Variants in PARN observed in about 807,000 individuals in gnomAD.
PARN encodes poly(A)-specific ribonuclease, also known as poly(A)-specific ribonuclease PARN.
PARN carries 71 observed loss-of-function variants against 102.8 expected under a neutral mutation model. The observed-to-expected ratio is 0.69, with a 90% CI of 0.57 to 0.84. The LOEUF (loss-of-function observed/expected upper bound fraction) is 0.84. Ranked by LOEUF, PARN falls within the 40% of genes least tolerant of loss-of-function variation. The pLI is 0.00. For missense variants in PARN, 782 were observed against 760.9 expected (o/e 1.03, Z -0.33); for synonymous variants, 261 against 252.9 (o/e 1.03, Z -0.30).
At chr16:14,515,411 A>G (rs781562636) in intron 21 of PARN, among the ~76,000 whole-genome samples, 17 of 152,194 alleles carry the variant, frequency 1.1e-4, no homozygotes, top group Admixed American at 3.3e-4. Flanking sequence ...GTAGATGGAA[A>G]TATTTTATTG....
At chr16:14,590,123 C>A (rs1353435015) in intron 13 of PARN, among the ~76,000 whole-genome samples, 1 of 147,894 alleles carries the variant, frequency 6.8e-6, no homozygotes, top group Non-Finnish European at 1.5e-5. Flanking sequence ...TGGTGGCGGG[C>A]GCCTGTAATC....
At chr16:14,482,042 T>C (rs888207823) in intron 22 of PARN, among the ~76,000 whole-genome samples, 6 of 152,154 alleles carry the variant, frequency 3.9e-5, no homozygotes, top group Non-Finnish European at 8.8e-5. Flanking sequence ...ATCCTGGTTC[T>C]TGCACAGAAC....
intron 22 of PARN, among the ~76,000 whole-genome samples, chr16:14,475,486 C>T (rs1962990721): frequency 6.6e-6 from 1 of 152,220 alleles, no homozygotes; most frequent in Non-Finnish European, 1.5e-5. Flanking sequence ...TTCTCCAGAA[C>T]CCAAGCCCTC....
chr16:14,621,328 T>C lies in PARN; in HGVS notation c.328-3678A>G, dbSNP rs117699240. 1.4e-3 allele frequency among the ~76,000 whole-genome samples: 219 copies of C among 152,308 alleles called. 3 individuals carry two copies. The East Asian group carries it at 0.036, about 25-fold the overall frequency. On this transcript the variant is annotated intron_variant, in intron 5 of 23. Transcript: ENST00000437198. Reference sequence around the variant, plus strand: ...TACTAGACACCAAAACATCCTACTTTCCTTTATCCCACTGAATTCAAAGTC... The same window carrying C: ...TACTAGACACCAAAACATCCTACTTCCCTTTATCCCACTGAATTCAAAGTC...
chr16:14,457,745 C>G (rs1961742126), intron 22 of PARN, among the ~76,000 whole-genome samples: 1 of 138,872 alleles, frequency 7.2e-6, no homozygotes, highest in Admixed American at 8.1e-5. Context: ...TTGCAGTGAG[C>G]CAATATCGCA....
chr16:14,504,829 TAC>T (rs1241412892), intron 21 of PARN, among the ~76,000 whole-genome samples: 2 of 152,238 alleles, frequency 1.3e-5, no homozygotes, highest in Non-Finnish European at 2.9e-5. Flanking sequence ...CGTTAAGCAG[TAC>T]AGTTTCATAT....
At position 14,460,215 on chromosome 16, in the gene PARN, C is replaced by G. The variant is rs1473668116; in HGVS notation, c.1671-13134G>C. On this transcript the variant is annotated intron_variant, in intron 22 of 23. Coordinates refer to ENST00000437198, the MANE Select transcript of PARN (RefSeq NM_002582.4). ...CATCAATAAGATTTGCCTCCACACC[C>G]AGAGCTTCTTATCAATTTTTAGTTC... is the stretch of plus-strand genomic sequence containing the variant. 3.3e-5 allele frequency among the ~76,000 whole-genome samples: 5 copies of G among 152,156 alleles called. No homozygotes were observed. In the East Asian group the frequency reaches 9.6e-4, roughly 29 times the overall value.
At chr16:14,569,068 C>A (rs1463916268) in intron 18 of PARN, among the ~76,000 whole-genome samples, 1 of 147,834 alleles carries the variant, frequency 6.8e-6, no homozygotes, top group Non-Finnish European at 1.5e-5. Context: ...AAAAATTTGC[C>A]GGGTATGGTG....
chr16:14,493,198 A>G (rs1454504837), intron 21 of PARN, among the ~76,000 whole-genome samples: 1 of 152,130 alleles, frequency 6.6e-6, no homozygotes, highest in East Asian at 1.9e-4. Flanking sequence ...TAAAACATTC[A>G]TCTCATTCAT....
intron 18 of PARN, among the ~76,000 whole-genome samples, chr16:14,568,684 C>T (rs569446507): frequency 2.0e-4 from 31 of 151,604 alleles, no homozygotes; most frequent in African/African-American, 5.6e-4. Context: ...CTGAGGCGGG[C>T]GGAGATCAAG....
intron 13 of PARN, among the ~76,000 whole-genome samples, chr16:14,588,311 C>A (rs1343245489): frequency 6.6e-6 from 1 of 152,132 alleles, no homozygotes; most frequent in Admixed American, 6.5e-5. Context: ...AAAGGTTGGG[C>A]TGGATCACAG....
intron 6 of PARN, among the ~76,000 whole-genome samples, chr16:14,614,852 A>T (rs1342380875): frequency 7.9e-6 from 1 of 126,470 alleles, no homozygotes; most frequent in African/African-American, 3.0e-5. Flanking sequence ...GTCTCAAAAA[A>T]AAAAAAAAAA....
chr16:14,562,955 G>A (rs1024035780), intron 18 of PARN, among the ~76,000 whole-genome samples: 5 of 152,160 alleles, frequency 3.3e-5, no homozygotes, highest in African/African-American at 1.2e-4. Flanking sequence ...CCATTCCCTA[G>A]TAGTCCGGTG....
intron 18 of PARN, among the ~76,000 whole-genome samples, chr16:14,569,386 C>G (rs560150368): frequency 5.3e-5 from 8 of 152,196 alleles, no homozygotes; most frequent in Non-Finnish European, 1.2e-4. Context: ...AGCGCTGCTG[C>G]CCAACCAGGT....
At chr16:14,608,341 T>C in intron 8 of PARN, 22 bp from the exon 9 acceptor site, 1 of 1,490,044 alleles carries the variant, frequency 6.7e-7, no homozygotes, top group Non-Finnish European at 9.1e-7. Flanking sequence ...AAAGAAAAGG[T>C]ATTGATTTTG....
intron 21 of PARN, among the ~76,000 whole-genome samples, chr16:14,512,830 C>T (rs1171686444): frequency 6.6e-6 from 1 of 152,152 alleles, no homozygotes; most frequent in Non-Finnish European, 1.5e-5. Flanking sequence ...AGCAAGCACT[C>T]TTCTTGCACA....
At chr16:14,534,477 T>C (rs1000085006) in intron 21 of PARN, among the ~76,000 whole-genome samples, 9 of 152,152 alleles carry the variant, frequency 5.9e-5, no homozygotes, top group African/African-American at 2.2e-4. Context: ...CTAAAAGCGA[T>C]TCAAACTTAT....
intron 21 of PARN, among the ~76,000 whole-genome samples, chr16:14,507,850 T>C (rs1964976005): frequency 1.3e-5 from 2 of 152,356 alleles, no homozygotes; most frequent in East Asian, 3.9e-4. Flanking sequence ...AAATAAATTA[T>C]GGCATATCAA....
rs754141670 is a variant in PARN, at chr16:14,629,662, T to G, written c.32A>C (p.Asn11Thr). The G allele has an allele frequency of 2.5e-6, 4 of 1,612,654 alleles. No homozygotes were observed. The highest frequency in any genetic ancestry group is 1.7e-6 in the Non-Finnish European group (2 of 1,178,652). MEIIRSNFKS[N>T]LHKVYQAIEE... ...TATGGCCTGGTACACTTTGTGAAGA[T>G]TACTCTTAAAATCTGCGGAGAAACC... The change falls in exon 2 of 24, where the codon AAT becomes ACT. Residue 11 changes from asparagine (N) to threonine (T), a missense_variant. Asn to Thr is a moderately conservative substitution (Grantham distance 65). Transcript: ENST00000437198.
Sources: gnomAD v4.1 joint callset for allele counts (sites outside exome capture counted in the v4.1 genomes callset) on GRCh38, gnomAD v4.1.1 for gene constraint, MANE v1.5 for transcripts, NCBI Gene and HGNC (gene_info 2026-07-23, HGNC 2026-07-21) for gene names.